The following GNB1 variants were observed in gnomAD, a reference collection of about 807,000 sequenced individuals.
The protein encoded by GNB1 is G protein subunit beta 1, also known as guanine nucleotide-binding protein G(I)/G(S)/G(T) subunit beta-1.
Under a neutral mutation model 42.9 loss-of-function variants are expected in GNB1, and 2 were observed. The observed-to-expected ratio is 0.05, with a 90% CI of 0.02 to 0.15. The LOEUF is 0.15. GNB1 is among the 10% of genes least tolerant of loss of function. The pLI, the probability that GNB1 is intolerant of heterozygous loss-of-function variation, is 1.00. For synonymous variants in GNB1, 183 were observed against 174.7 expected, an observed-to-expected ratio of 1.05 and a Z score of -0.38; for missense variants, 193 against 462.2, an observed-to-expected ratio of 0.42 and a Z score of 5.34.
At chr1:1,804,326 A>T in intron 7 of GNB1, 93 bp downstream of exon 7, 1 of 814,404 alleles carries the variant, frequency 1.2e-6, no homozygotes, top group East Asian at 2.7e-5. Flanking sequence ...AATTAATTAA[A>T]AAATGATTGA....
At chr1:1,829,281 C>A (rs1351408070) in intron 2 of GNB1, among the ~76,000 whole-genome samples, 2 of 152,152 alleles carry the variant, frequency 1.3e-5, no homozygotes, top group Admixed American at 1.3e-4. Flanking sequence ...GTAAGGAACT[C>A]CTGACCTCAG....
chr1:1,842,364 G>A (rs1425115963), intron 1 of GNB1, among the ~76,000 whole-genome samples: 1 of 151,986 alleles, frequency 6.6e-6, no homozygotes, highest in South Asian at 2.1e-4. Context: ...CAGGAGGTAG[G>A]GCTTGCAGTG....
intron 5 of GNB1, among the ~76,000 whole-genome samples, chr1:1,807,596 A>G (rs1646719269): frequency 6.6e-6 from 1 of 152,042 alleles, no homozygotes; most frequent in Non-Finnish European, 1.5e-5. Flanking sequence ...AATTGGAATC[A>G]AGGTCTCCTA....
chr1:1,798,726 G>T (rs183405436), intron 7 of GNB1, among the ~76,000 whole-genome samples: 7 of 152,316 alleles, frequency 4.6e-5, no homozygotes, highest in Admixed American at 2.0e-4. Flanking sequence ...TTTGGAGACG[G>T]AGTTTCGCTC....
chr1:1,807,857 A>G (rs893166086), intron 5 of GNB1, among the ~76,000 whole-genome samples: 1 of 151,696 alleles, frequency 6.6e-6, no homozygotes, highest in Non-Finnish European at 1.5e-5. Context: ...ACAGGCGCCC[A>G]CCATCACGCC....
In GNB1 at chr1:1,786,066, T is replaced by G. The variant is rs1345308280; in HGVS notation, c.*997A>C. ...CAATATGGCAAACAATCAAAATTTT[T>G]AAAATTTAACTTAGAAAGTCTGAGA... is the stretch of plus-strand genomic sequence containing the variant. On this transcript the variant is annotated 3_prime_UTR_variant, in exon 12 of 12. Transcript: ENST00000378609. 3 of 398,454 alleles carry G rather than the reference T, an allele frequency of 7.5e-6. No individual in the cohort carries two copies. The highest frequency in any genetic ancestry group is 4.1e-5 in the African/African-American group (2 of 48,594). The allele number at this position is 398,454 out of a possible 1,614,324, so 24.7% of individuals were successfully genotyped here. A position where few individuals can be genotyped will look rare whatever the true frequency, so the allele number is the denominator to read the frequency against.
intron 1 of GNB1, among the ~76,000 whole-genome samples, chr1:1,851,088 T>G (rs1251390011): frequency 6.6e-6 from 1 of 151,464 alleles, no homozygotes; most frequent in African/African-American, 2.4e-5. Flanking sequence ...ACCAAGATGG[T>G]GAAACCCCGT....
intron 1 of GNB1, among the ~76,000 whole-genome samples, chr1:1,856,138 C>T (rs2101591175): frequency 6.6e-6 from 1 of 152,098 alleles, no homozygotes; most frequent in South Asian, 2.1e-4. Flanking sequence ...CCTCCCATCT[C>T]AGTCTCCTGA....
intron 1 of GNB1, among the ~76,000 whole-genome samples, chr1:1,861,852 G>C (rs1243368878): frequency 6.6e-6 from 1 of 152,154 alleles, no homozygotes; most frequent in Non-Finnish European, 1.5e-5. Context: ...CCATGAGGCA[G>C]CCACCAGACC....
chr1:1,823,929 A>G (rs974405994), intron 3 of GNB1, among the ~76,000 whole-genome samples: 17 of 152,286 alleles, frequency 1.1e-4, no homozygotes, highest in African/African-American at 3.6e-4. Context: ...CAGTGGTGCA[A>G]TCACAGCTTA....
At chr1:1,875,209 G>A (rs1452195914) in intron 1 of GNB1, among the ~76,000 whole-genome samples, 3 of 144,594 alleles carry the variant, frequency 2.1e-5, no homozygotes, top group Admixed American at 1.4e-4. Context: ...TTTTTTTTTT[G>A]GAGACAAAGT....
chr1:1,888,936 G>A (rs999365712), intron 1 of GNB1, among the ~76,000 whole-genome samples: 1 of 152,132 alleles, frequency 6.6e-6, no homozygotes, highest in African/African-American at 2.4e-5. Flanking sequence ...CCATGTCAGT[G>A]GCACCACCTC....
At chr1:1,809,826 A>G (rs1646750691) in intron 5 of GNB1, among the ~76,000 whole-genome samples, 1 of 152,114 alleles carries the variant, frequency 6.6e-6, no homozygotes, top group South Asian at 2.1e-4. Context: ...TCAAAAATCA[A>G]TTATCTGAGG....
At chr1:1,879,071 ACCTCT>A (rs1649699039) in intron 1 of GNB1, among the ~76,000 whole-genome samples, 1 of 152,064 alleles carries the variant, frequency 6.6e-6, no homozygotes, top group Non-Finnish European at 1.5e-5. Context: ...ACGGGTCTTC[ACCTCT>A]GACAAATCTC....
chr1:1,797,736 C>T (rs1646565976), intron 7 of GNB1, among the ~76,000 whole-genome samples: 1 of 152,218 alleles, frequency 6.6e-6, no homozygotes, highest in South Asian at 2.1e-4. Flanking sequence ...CGCGCCCAGC[C>T]CCCTTTCCAA....
chr1:1,858,661 A>C (rs1648435347), intron 1 of GNB1, among the ~76,000 whole-genome samples: 1 of 152,190 alleles, frequency 6.6e-6, no homozygotes, highest in African/African-American at 2.4e-5. Flanking sequence ...CAAAACAAAC[A>C]AGATGCCAGG....
At chr1:1,839,833 G>A (rs1647201008) in intron 1 of GNB1, among the ~76,000 whole-genome samples, 1 of 152,024 alleles carries the variant, frequency 6.6e-6, no homozygotes, top group African/African-American at 2.4e-5. Context: ...CAGCCTAGGT[G>A]ACAGAGCAAG....
intron 1 of GNB1, among the ~76,000 whole-genome samples, chr1:1,874,892 G>A (rs913955123): frequency 3.9e-5 from 6 of 152,256 alleles, no homozygotes; most frequent in Admixed American, 1.3e-4. Context: ...GCCAGGGACC[G>A]GTTTTGTGAA....
intron 7 of GNB1, among the ~76,000 whole-genome samples, chr1:1,801,557 A>C (rs1310700746): frequency 6.6e-6 from 1 of 152,180 alleles, no homozygotes; most frequent in Admixed American, 6.6e-5. Context: ...AGACATTGGG[A>C]ATGTACACTA....
Sources: allele counts gnomAD v4.1 joint callset (sites outside exome capture counted in the v4.1 genomes callset), GRCh38; gene constraint gnomAD v4.1.1; transcripts MANE v1.5; gene names NCBI Gene and HGNC (gene_info 2026-07-23, HGNC 2026-07-21).